The following KCNH1 variants were observed in gnomAD, a reference collection of about 807,000 sequenced individuals.
The protein encoded by KCNH1 is potassium voltage-gated channel subfamily H member 1.
A neutral mutation model predicts 69.2 loss-of-function variants in KCNH1; 27 were observed. The observed-to-expected ratio is 0.39, with a 90% CI of 0.29 to 0.54. The LOEUF (loss-of-function observed/expected upper bound fraction) is 0.54, where lower values mean the gene tolerates loss of function less well. Ranked by LOEUF, KCNH1 falls within the 20% of genes least tolerant of loss-of-function variation. The pLI is 0.68. For synonymous variants in KCNH1, 456 were observed against 487.7 expected (o/e 0.93, Z 0.86); for missense variants, 798 against 1,261.6 (o/e 0.63, Z 5.57).
At chr1:210,703,702 A>G (rs1483571841) in intron 10 of KCNH1, among the ~76,000 whole-genome samples, 1 of 152,234 alleles carries the variant, frequency 6.6e-6, no homozygotes, top group Non-Finnish European at 1.5e-5. Flanking sequence ...CTGAGGACAG[A>G]GACTATATTT....
At chr1:210,813,254 A>G (rs999109441) in intron 7 of KCNH1, among the ~76,000 whole-genome samples, 74 of 152,168 alleles carry the variant, frequency 4.9e-4, no homozygotes, top group Non-Finnish European at 1.8e-4. Context: ...CAGACTCAAA[A>G]TTTATCATTG....
intron 6 of KCNH1, among the ~76,000 whole-genome samples, chr1:210,979,401 AG>A (rs1688671808): frequency 6.6e-6 from 1 of 152,222 alleles, no homozygotes; most frequent in African/African-American, 2.4e-5. Flanking sequence ...TTGCTTTTTT[AG>A]GAAGAGGATT....
At chr1:210,805,212 C>T (rs913647686) in intron 7 of KCNH1, among the ~76,000 whole-genome samples, 6 of 152,136 alleles carry the variant, frequency 3.9e-5, no homozygotes, top group South Asian at 2.1e-4. Flanking sequence ...TTTTCCTTGC[C>T]GTTGTATCCC....
intron 6 of KCNH1, among the ~76,000 whole-genome samples, chr1:210,942,418 C>T (rs1417707067): frequency 1.3e-5 from 2 of 152,152 alleles, no homozygotes; most frequent in African/African-American, 2.4e-5. Flanking sequence ...GCATGTAATA[C>T]AGGGCTAATG....
intron 5 of KCNH1, among the ~76,000 whole-genome samples, chr1:211,030,902 T>G (rs1316044660): frequency 6.6e-6 from 1 of 151,886 alleles, no homozygotes; most frequent in Non-Finnish European, 1.5e-5. Flanking sequence ...AAAACTCAAC[T>G]ATAAAAAATG....
intron 2 of KCNH1, among the ~76,000 whole-genome samples, chr1:211,106,924 C>T (rs1691357573): frequency 6.6e-6 from 1 of 152,188 alleles, no homozygotes; most frequent in Non-Finnish European, 1.5e-5. Flanking sequence ...TTTCATTTCA[C>T]TGTATTTGAG....
chr1:211,065,469 G>A (rs1201547020), intron 5 of KCNH1, among the ~76,000 whole-genome samples: 1 of 152,174 alleles, frequency 6.6e-6, no homozygotes, highest in Non-Finnish European at 1.5e-5. Context: ...GTGGTTACCA[G>A]GGCCTGGGAG....
chr1:210,871,796 G>A (rs1364608218), intron 7 of KCNH1, among the ~76,000 whole-genome samples: 12 of 149,062 alleles, frequency 8.1e-5, no homozygotes, highest in East Asian at 6.0e-4. Flanking sequence ...GTAAACTATC[G>A]CAAGAACAAA....
rs189539032 is a variant in KCNH1, at chr1:210,761,884, C to T, written c.2112+13464G>A. ...AAATTCTGGACTTAAATTTGGTACT[C>T]GACCAATCGGACTTAATAGACATCT... On this transcript the variant is annotated intron_variant, in intron 10 of 10. Coordinates refer to ENST00000271751, the MANE Select transcript of KCNH1 (RefSeq NM_172362.3). 5.3e-5 allele frequency among the ~76,000 whole-genome samples: 8 copies of T among 152,232 alleles called. No individual in the cohort carries two copies. The East Asian group carries it at 7.7e-4, about 15-fold the overall frequency.
intron 10 of KCNH1, among the ~76,000 whole-genome samples, chr1:210,760,985 G>T (rs1379107062): frequency 6.6e-6 from 1 of 152,070 alleles, no homozygotes. Flanking sequence ...GGGCGCGGTG[G>T]CTCACGCCTG....
chr1:210,700,027 C>G (rs1345374891), intron 10 of KCNH1, among the ~76,000 whole-genome samples: 2 of 152,154 alleles, frequency 1.3e-5, no homozygotes, highest in African/African-American at 4.8e-5. Context: ...GGTCTCAGAT[C>G]CCCCTCCTAT....
At chr1:210,834,527 A>C (rs1443786551) in intron 7 of KCNH1, among the ~76,000 whole-genome samples, 1 of 93,100 alleles carries the variant, frequency 1.1e-5, no homozygotes, top group Admixed American at 1.6e-4. Flanking sequence ...AACTCTGGGG[A>C]CTGTTGTGGG....
In KCNH1 at chr1:210,969,209, A is replaced by G. The variant is rs911802982; in HGVS notation, c.1033-49140T>C. Among the ~76,000 whole-genome samples, 3 of 151,954 alleles carry G rather than the reference A, an allele frequency of 2.0e-5. No individual in the cohort carries two copies. The South Asian group carries it at 6.2e-4, about 32-fold the overall frequency. ...AATTTTTCATCCATCCTCATGAGTGAGGTTAACCTATAATTTTACTTTTCT... is the reference window on the plus strand; with the variant it reads ...AATTTTTCATCCATCCTCATGAGTGGGGTTAACCTATAATTTTACTTTTCT... On this transcript the variant is annotated intron_variant, in intron 6 of 10. Coordinates refer to ENST00000271751, the MANE Select transcript of KCNH1 (RefSeq NM_172362.3).
chr1:210,838,398 G>A (rs945878143), intron 7 of KCNH1, among the ~76,000 whole-genome samples: 7 of 150,646 alleles, frequency 4.6e-5, no homozygotes, highest in African/African-American at 1.2e-4. Context: ...CCTTCCTTAC[G>A]CCTTATATAA....
chr1:210,965,782 A>G (rs1241243163), intron 6 of KCNH1, among the ~76,000 whole-genome samples: 1 of 152,344 alleles, frequency 6.6e-6, no homozygotes, highest in East Asian at 1.9e-4. Context: ...AGGAAGAATC[A>G]GTATCATGAT....
intron 10 of KCNH1, among the ~76,000 whole-genome samples, chr1:210,742,887 G>A (rs886144395): frequency 1.3e-5 from 2 of 152,096 alleles, no homozygotes; most frequent in East Asian, 3.9e-4. Flanking sequence ...ATGTGTGTGT[G>A]TTTTCAAGTA....
At chr1:210,961,663 A>C (rs1309843301) in intron 6 of KCNH1, among the ~76,000 whole-genome samples, 1 of 152,004 alleles carries the variant, frequency 6.6e-6, no homozygotes, top group Non-Finnish European at 1.5e-5. Flanking sequence ...CAACATGGAG[A>C]AACCCCTTCT....
chr1:210,731,244 C>T (rs145276472), intron 10 of KCNH1, among the ~76,000 whole-genome samples: 199 of 152,250 alleles, frequency 1.3e-3, no homozygotes, highest in African/African-American at 4.7e-3. Flanking sequence ...GTATCCATGT[C>T]GCTTTACATC....
intron 6 of KCNH1, among the ~76,000 whole-genome samples, chr1:211,008,427 A>C (rs1278038923): frequency 6.6e-6 from 1 of 152,216 alleles, no homozygotes; most frequent in Non-Finnish European, 1.5e-5. Context: ...TAAACCACTA[A>C]GTTTTAGGGT....
Sources: allele counts gnomAD v4.1 joint callset (sites outside exome capture counted in the v4.1 genomes callset), GRCh38; gene constraint gnomAD v4.1.1; transcripts MANE v1.5; gene names NCBI Gene and HGNC (gene_info 2026-07-23, HGNC 2026-07-21).